FTCD: variants seen among roughly 807,000 people sequenced by gnomAD.
FTCD encodes formimidoyltransferase-cyclodeaminase.
A neutral mutation model predicts 62.9 loss-of-function variants in FTCD; 76 were observed. The observed-to-expected ratio is 1.21, with a 90% CI of 1.00 to 1.46. The LOEUF is 1.46. Among genes scored for constraint, FTCD ranks in the 40% most tolerant of loss-of-function variants. FTCD has a pLI of 0.00. For missense variants in FTCD, 845 were observed against 751.3 expected (o/e 1.12, Z -1.46); for synonymous variants, 397 against 336.9 (o/e 1.18, Z -1.95).
intron 12 of FTCD, 133 bp from the exon 13 acceptor site, chr21:46,137,467 G>A (rs145797382): frequency 2.2e-4 from 164 of 750,876 alleles, no homozygotes; most frequent in African/African-American, 3.4e-4. Context: ...CGCAGCCCCC[G>A]CTTTCGCCCC....
intron 7 of FTCD, among the ~76,000 whole-genome samples, chr21:46,149,234 T>C (rs2079212827): frequency 6.6e-6 from 1 of 152,106 alleles, no homozygotes; most frequent in Admixed American, 6.5e-5. Flanking sequence ...AACGCACCAA[T>C]GATTGAGGCT....
chr21:46,149,463 C>A (rs953896611), intron 7 of FTCD, among the ~76,000 whole-genome samples: 1 of 152,172 alleles, frequency 6.6e-6, no homozygotes, highest in African/African-American at 2.4e-5. Flanking sequence ...CACAAACAGA[C>A]AAAACGTCCC....
chr21:46,154,421 A>C, intron 1 of FTCD, 89 bp from the exon 2 acceptor site: 62 of 1,419,972 alleles, frequency 4.4e-5, no homozygotes, highest in Non-Finnish European at 5.6e-5. Flanking sequence ...CGAGACACAA[A>C]TGGGGGCTGA....
At chr21:46,136,518 C>G, downstream of FTCD, 1 of 1,611,598 alleles carries the variant, frequency 6.2e-7, no homozygotes, top group East Asian at 2.2e-5. Flanking sequence ...AGAACCAGGG[C>G]CCCTTTCCCT....
chr21:46,136,304 C>A (rs996693136), downstream of FTCD: 1 of 718,496 alleles, frequency 1.4e-6, no homozygotes, highest in Non-Finnish European at 2.4e-6. Context: ...TCTCTGGAGA[C>A]AGGAGGCTGG....
chr21:46,147,618 G>A (rs975509837), intron 7 of FTCD, among the ~76,000 whole-genome samples: 22 of 152,192 alleles, frequency 1.4e-4, no homozygotes, highest in South Asian at 6.2e-4. Context: ...TGTGCAGGCC[G>A]CAGGCATGGG....
rs1015707596 is a variant in FTCD at position 46,145,942 on chromosome 21, AGGT to A, written c.971_973del (p.Tyr324del). ...TCGCTCAGGCCCGCGCTCAGGGACCAGGTACCTGCAGGGTGGGCGCGGCTCAGC... is the reference window on the plus strand; with the variant it reads ...TCGCTCAGGCCCGCGCTCAGGGACCAACCTGCAGGGTGGGCGCGGCTCAGC... On this transcript the variant is annotated inframe_deletion and splice_region_variant, in exon 9 of 14. Transcript: ENST00000397746. 6.7e-7 allele frequency: 1 copy of A among 1,493,442 alleles called. No individual in the cohort carries two copies. The highest frequency in any genetic ancestry group is 8.9e-7 in the Non-Finnish European group (1 of 1,124,670). The allele number at this position is 1,493,442 out of a possible 1,614,324, so 92.5% of individuals were successfully genotyped here.
At chr21:46,141,091 T>G (rs2839125) in intron 10 of FTCD, among the ~76,000 whole-genome samples, 32,744 of 152,222 alleles carry the variant, frequency 0.22, 4,067 homozygotes, top group East Asian at 0.36. Flanking sequence ...TTTTAATTAT[T>G]CACCTTATTT....
chr21:46,139,356 T>C (rs1003612440), intron 10 of FTCD, among the ~76,000 whole-genome samples: 2 of 152,184 alleles, frequency 1.3e-5, no homozygotes, highest in African/African-American at 4.8e-5. Flanking sequence ...AAGCCCCTCA[T>C]GTCCCTGCCC....
In FTCD at chr21:46,155,457, C is replaced by G; in HGVS notation, c.54+13G>C. The G allele has an allele frequency of 5.0e-6, 8 of 1,609,450 alleles. No homozygotes were observed. Among genetic ancestry groups the G allele is most frequent in the Non-Finnish European group, 6.8e-6 (8 of 1,176,672 alleles). On this transcript the variant is annotated intron_variant, in intron 1 of 13. Transcript: ENST00000397746. ...ATCAGCCCTAGATGCTTGACCAGCT[C>G]CTCGGGCCTCACCTCCTGGTTCTTC...
At chr21:46,154,660 A>G (rs1298016276) in intron 1 of FTCD, among the ~76,000 whole-genome samples, 1 of 152,254 alleles carries the variant, frequency 6.6e-6, no homozygotes, top group East Asian at 1.9e-4. Context: ...CCACAGGCGC[A>G]GGTCACAGAG....
chr21:46,137,466 C>G (rs148953857), intron 12 of FTCD, 132 bp from the exon 13 acceptor site: 1 of 751,216 alleles, frequency 1.3e-6, no homozygotes, highest in African/African-American at 1.7e-5. Context: ...GCGCAGCCCC[C>G]GCTTTCGCCC....
intron 1 of FTCD, 59 bp downstream of exon 1, chr21:46,155,411 C>G: frequency 7.1e-7 from 1 of 1,415,448 alleles, no homozygotes; most frequent in South Asian, 1.2e-5. Flanking sequence ...TGGCCTGGGC[C>G]TTAGCCACTC....
At chr21:46,139,211 G>A (rs2078940951) in intron 10 of FTCD, among the ~76,000 whole-genome samples, 1 of 152,142 alleles carries the variant, frequency 6.6e-6, no homozygotes, top group African/African-American at 2.4e-5. Flanking sequence ...TGAGGGCCCA[G>A]GAGGTCCCCT....
chr21:46,154,959 A>G (rs1407450263), intron 1 of FTCD, among the ~76,000 whole-genome samples: 4 of 152,190 alleles, frequency 2.6e-5, no homozygotes, highest in Admixed American at 2.6e-4. Context: ...AGGGCTGTGG[A>G]AGGCGAGAGG....
At chr21:46,145,650 G>A (rs1403516397) in intron 9 of FTCD, 72 bp from the exon 10 acceptor site, 4 of 1,203,480 alleles carry the variant, frequency 3.3e-6, no homozygotes, top group Admixed American at 2.8e-5. Flanking sequence ...AAGAGCCAGG[G>A]GCCCGGGTGA....
chr21:46,137,851 T>A (rs200848324), intron 12 of FTCD, among the ~76,000 whole-genome samples: 1 of 29,946 alleles, frequency 3.3e-5, no homozygotes, highest in African/African-American at 9.4e-5. Flanking sequence ...CTGTGGCCCC[T>A]GTCAGTGTGA....
At chr21:46,150,045 C>T in intron 7 of FTCD, 74 bp downstream of exon 7, 1 of 1,347,786 alleles carries the variant, frequency 7.4e-7, no homozygotes, top group Non-Finnish European at 1.0e-6. Context: ...CGCCCCAGGG[C>T]TGTGAGCTCC....
rs1042074064 is a variant in FTCD, at chr21:46,150,619, G to C, written c.637-94C>G. ...TGGCACTTGCATTCCCCAGCTGGACGGGGAGGAGCCTGTGCCTGGGTGGGT... is the reference window on the plus strand; with the variant it reads ...TGGCACTTGCATTCCCCAGCTGGACCGGGAGGAGCCTGTGCCTGGGTGGGT... On this transcript the variant is annotated intron_variant, in intron 5 of 13. Coordinates refer to ENST00000397746, the MANE Select transcript of FTCD (RefSeq NM_206965.2). The C allele has an allele frequency of 1.1e-5, 15 of 1,315,250 alleles. No individual in the cohort carries two copies. In the African/African-American group the frequency reaches 2.0e-4, roughly 18 times the overall value. The allele number at this position is 1,315,250 out of a possible 1,614,324, so 81.5% of individuals were successfully genotyped here.
Sources: allele counts gnomAD v4.1 joint callset (sites outside exome capture counted in the v4.1 genomes callset), GRCh38; gene constraint gnomAD v4.1.1; transcripts MANE v1.5; gene names NCBI Gene and HGNC (gene_info 2026-07-23, HGNC 2026-07-21).